Variants in EEFSEC observed in about 807,000 individuals in gnomAD.
EEFSEC encodes selenocysteine-specific elongation factor.
In EEFSEC, 43 loss-of-function variants were observed where a neutral mutation model predicts 42.1. That is an observed-to-expected ratio of 1.02 (90% CI 0.80 to 1.32). EEFSEC has a LOEUF of 1.32. EEFSEC is among the 40% of genes most tolerant of loss of function. EEFSEC has a pLI of 0.00. For synonymous variants in EEFSEC, 354 were observed against 339.1 expected, an observed-to-expected ratio of 1.04 and a Z score of -0.48; for missense variants, 745 against 803.6, an observed-to-expected ratio of 0.93 and a Z score of 0.88.
intron 4 of EEFSEC, among the ~76,000 whole-genome samples, chr3:128,321,679 G>A (rs892447594): frequency 1.3e-4 from 20 of 152,198 alleles, no homozygotes; most frequent in Non-Finnish European, 8.8e-5. Context: ...CTTCCACCCA[G>A]GAAGGGCCTT....
At chr3:128,358,139 G>A (rs1262263030) in intron 5 of EEFSEC, 78 bp from the exon 6 acceptor site, 2 of 1,552,848 alleles carry the variant, frequency 1.3e-6, no homozygotes, top group African/African-American at 2.7e-5. Flanking sequence ...CGGGAGAGCT[G>A]GGGCTAGGCA....
intron 4 of EEFSEC, among the ~76,000 whole-genome samples, chr3:128,336,606 T>C (rs1262253560): frequency 6.6e-6 from 1 of 152,154 alleles, no homozygotes; most frequent in Non-Finnish European, 1.5e-5. Context: ...GCCTTAGGCC[T>C]GCTCTGCTCT....
intron 6 of EEFSEC, among the ~76,000 whole-genome samples, chr3:128,395,172 C>T (rs2067966624): frequency 1.3e-5 from 2 of 152,318 alleles, no homozygotes; most frequent in Middle Eastern, 3.4e-3. Context: ...GGAGGTCAGG[C>T]GCCTGTTATC....
chr3:128,198,648 T>C (rs1248558192), intron 1 of EEFSEC, among the ~76,000 whole-genome samples: 2 of 152,178 alleles, frequency 1.3e-5, no homozygotes, highest in Non-Finnish European at 2.9e-5. Context: ...GGGACATTCC[T>C]TTCTGAAGAA....
chr3:128,155,091 G>A (rs1360943834), intron 1 of EEFSEC, among the ~76,000 whole-genome samples: 3 of 152,040 alleles, frequency 2.0e-5, no homozygotes, highest in Non-Finnish European at 4.4e-5. Flanking sequence ...CTCTGCAAAT[G>A]AAAAGACCCG....
At chr3:128,219,873 A>T (rs2065845710) in intron 1 of EEFSEC, among the ~76,000 whole-genome samples, 1 of 152,058 alleles carries the variant, frequency 6.6e-6, no homozygotes, top group Non-Finnish European at 1.5e-5. Flanking sequence ...GTTTGAAGTC[A>T]TTAGTGAAAA....
intron 6 of EEFSEC, among the ~76,000 whole-genome samples, chr3:128,359,321 A>G (rs1344469551): frequency 2.0e-5 from 3 of 152,216 alleles, no homozygotes; most frequent in Admixed American, 1.3e-4. Context: ...GCCAGGGTTC[A>G]TACTGTGCGC....
At chr3:128,250,911 G>GTGTT (rs1553747269) in intron 2 of EEFSEC, among the ~76,000 whole-genome samples, 120 of 108,576 alleles carry the variant, frequency 1.1e-3, no homozygotes, top group African/African-American at 3.9e-3. Flanking sequence ...GTTTTTTTTG[G>GTGTT]TTTTTTTTTT....
intron 5 of EEFSEC, among the ~76,000 whole-genome samples, chr3:128,352,896 A>C (rs1253364111): frequency 6.6e-6 from 1 of 152,238 alleles, no homozygotes; most frequent in Non-Finnish European, 1.5e-5. Context: ...ATTCGAATGC[A>C]GGTAGTCTGG....
chr3:128,422,763 C>T, the EEFSEC span, among the ~76,000 whole-genome samples: 3 of 152,340 alleles, frequency 2.0e-5, no homozygotes, highest in Admixed American at 1.3e-4. Flanking sequence ...GGAGAGTTGC[C>T]ACTCAGACCA....
intron 4 of EEFSEC, among the ~76,000 whole-genome samples, chr3:128,268,912 C>A (rs574985719): frequency 1.3e-5 from 2 of 152,256 alleles, no homozygotes; most frequent in East Asian, 3.9e-4. Context: ...GTTATGGCAG[C>A]CCTAAGAAAC....
At chr3:128,207,346 T>C (rs998511804) in intron 1 of EEFSEC, among the ~76,000 whole-genome samples, 4 of 150,768 alleles carry the variant, frequency 2.7e-5, no homozygotes, top group African/African-American at 9.8e-5. Context: ...GTCTCTGGAG[T>C]GTGTTGCCCA....
Sources: allele counts gnomAD v4.1 joint callset (sites outside exome capture counted in the v4.1 genomes callset), GRCh38; gene constraint gnomAD v4.1.1; transcripts MANE v1.5; gene names NCBI Gene and HGNC (gene_info 2026-07-23, HGNC 2026-07-21).